The following SYNE1 variants were observed in gnomAD, a reference collection of about 807,000 sequenced individuals.
The protein encoded by SYNE1 is nesprin-1.
A neutral mutation model predicts 1,111.0 loss-of-function variants in SYNE1; 616 were observed. The observed-to-expected ratio is 0.55, with a 90% CI of 0.52 to 0.59. The LOEUF (loss-of-function observed/expected upper bound fraction) is 0.59, where lower values mean the gene tolerates loss of function less well. Ranked by LOEUF, SYNE1 falls within the 20% of genes least tolerant of loss-of-function variation. The probability of loss-of-function intolerance (pLI) is 0.00; values close to 1 mark genes in which losing one functional copy is unlikely to be tolerated. For missense variants in SYNE1, 10,006 were observed against 10,417.0 expected, an observed-to-expected ratio of 0.96 and a Z score of 1.72; for synonymous variants, 3,855 against 3,825.8, an observed-to-expected ratio of 1.01 and a Z score of -0.28.
chr6:152,428,129 C>T (rs1010515327), intron 37 of SYNE1, 76 bp downstream of exon 37: 42 of 1,574,914 alleles, frequency 2.7e-5, no homozygotes, highest in Admixed American at 3.3e-5. Context: ...GATAACTACT[C>T]CCCATCACTT....
chr6:152,299,880 C>A (rs2095081814), intron 93 of SYNE1, among the ~76,000 whole-genome samples: 1 of 152,036 alleles, frequency 6.6e-6, no homozygotes, highest in South Asian at 2.1e-4. Context: ...GAATAGTTTA[C>A]ATTTTTTAGT....
intron 45 of SYNE1, among the ~76,000 whole-genome samples, chr6:152,405,785 A>AT (rs2154160979): frequency 6.6e-6 from 1 of 152,196 alleles, no homozygotes; most frequent in South Asian, 2.1e-4. Flanking sequence ...AGTCTGGATA[A>AT]TTTTTTCTCC....
intron 3 of SYNE1, among the ~76,000 whole-genome samples, chr6:152,616,514 T>C (rs2128864708): frequency 6.6e-6 from 1 of 152,232 alleles, no homozygotes; most frequent in South Asian, 2.1e-4. Flanking sequence ...AGGTTGAGGC[T>C]GCAGTGAGCT....
At chr6:152,384,833 T>C (rs2097498201) in intron 55 of SYNE1, among the ~76,000 whole-genome samples, 1 of 150,708 alleles carries the variant, frequency 6.6e-6, no homozygotes, top group South Asian at 2.1e-4. Context: ...TGAGCCAAGA[T>C]CGTGCCACTG....
intron 40 of SYNE1, among the ~76,000 whole-genome samples, chr6:152,419,040 GT>G: frequency 6.6e-6 from 1 of 152,158 alleles, no homozygotes; most frequent in Non-Finnish European, 1.5e-5. Flanking sequence ...CATAATAAAT[GT>G]GTTTGCCATT....
At chr6:152,535,291 C>G (rs557856427) in intron 4 of SYNE1, among the ~76,000 whole-genome samples, 1 of 152,180 alleles carries the variant, frequency 6.6e-6, no homozygotes, top group African/African-American at 2.4e-5. Context: ...TACTTTGTTA[C>G]GGCAATCCCA....
rs1421168294 is a variant in SYNE1, at chr6:152,326,623, G to T, written c.14966C>A (p.Thr4989Asn). ...EALRTRQATL[T>N]EIYSQCQRYY... The stretch of plus-strand genomic sequence containing the variant: ...CCTTTGACACTGGCTATATATTTCA[G>T]TCAAGGTAGCCTGAAAAACAGCAAT... The change falls in exon 79 of 146, where the codon ACT (threonine) becomes AAT (asparagine). Residue 4989 changes from threonine to asparagine, a missense_variant. Around this residue, in one of 7 missense-constraint regions of SYNE1, gnomAD observed 4,955 missense variants for 5,017.2 expected, o/e 0.99. Transcript: ENST00000367255. 6.2e-7 allele frequency: 1 copy of T among 1,613,624 alleles called. No homozygotes were observed. Among genetic ancestry groups the T allele is most frequent in the South Asian group, 1.1e-5 (1 of 91,034 alleles).
intron 3 of SYNE1, among the ~76,000 whole-genome samples, chr6:152,568,513 G>C (rs1257216867): frequency 6.6e-6 from 1 of 152,042 alleles, no homozygotes; most frequent in Non-Finnish European, 1.5e-5. Context: ...ATCTTGGCTA[G>C]AGTGGTCTTG....
At chr6:152,161,992 G>A (rs918235540) in intron 131 of SYNE1, among the ~76,000 whole-genome samples, 1 of 152,260 alleles carries the variant, frequency 6.6e-6, no homozygotes, top group South Asian at 2.1e-4. Flanking sequence ...AGTGACTCTA[G>A]CCTCCACGGT....
At chr6:152,554,820 G>A (rs2099359519) in intron 3 of SYNE1, among the ~76,000 whole-genome samples, 1 of 152,122 alleles carries the variant, frequency 6.6e-6, no homozygotes, top group Non-Finnish European at 1.5e-5. Context: ...TAAAAAACAT[G>A]GATTGCCAAG....
In SYNE1 at chr6:152,215,005, A is replaced by G. The variant is rs1319848339; in HGVS notation, c.22247T>C (p.Leu7416Pro). The change falls in exon 122 of 146, where the codon CTT becomes CCT. Residue 7416 changes from leucine (L) to proline (P), a missense_variant. This residue lies in a region of SYNE1 where 2,182 missense variants were observed against 2,287.8 expected (regional missense o/e 0.95). Coordinates refer to ENST00000367255, the MANE Select transcript of SYNE1 (RefSeq NM_182961.4). Reference protein sequence around the residue: ...MAPDLDRLNELGYRLPLNDKE... With the variant: ...MAPDLDRLNEPGYRLPLNDKE... Reference sequence around the variant, plus strand: ...ATCATTCAAGGGTAACCTATATCCAAGCTCATTTAGACGGTCTAAATCTGG... The same window carrying G: ...ATCATTCAAGGGTAACCTATATCCAGGCTCATTTAGACGGTCTAAATCTGG... 1.6e-5 allele frequency: 26 copies of G among 1,614,044 alleles called. No homozygotes were observed. The highest frequency in any genetic ancestry group is 2.1e-5 in the Non-Finnish European group (25 of 1,179,996).
intron 91 of SYNE1, among the ~76,000 whole-genome samples, chr6:152,306,717 C>CAAA (rs71556249): frequency 7.2e-6 from 1 of 139,786 alleles, no homozygotes. Flanking sequence ...CTCTACTCTA[C>CAAA]AAAAAAAAAA....
At chr6:152,600,939 C>A (rs933691341) in intron 3 of SYNE1, among the ~76,000 whole-genome samples, 6 of 152,184 alleles carry the variant, frequency 3.9e-5, no homozygotes, top group African/African-American at 9.7e-5. Context: ...AAGGTCTGAA[C>A]AAACAGTTTC....
chr6:152,202,084 C>G, intron 126 of SYNE1, 135 bp from the exon 127 acceptor site: 4 of 1,174,558 alleles, frequency 3.4e-6, no homozygotes, highest in Non-Finnish European at 4.8e-6. Context: ...TGGTGGCTCA[C>G]GCGTGTAATC....
Position 152,362,215 on chromosome 6 carries a change from C to T in SYNE1, c.10254G>A (p.Gln3418=), listed in dbSNP as rs2096944019. The T allele has an allele frequency of 1.2e-6, 2 of 1,614,110 alleles. No homozygotes were observed. Among genetic ancestry groups the T allele is most frequent in the South Asian group, 1.1e-5 (1 of 91,084 alleles). The stretch of plus-strand genomic sequence containing the variant: ...TTGTTTTATCCCGCAGCTCCGCATG[C>T]TGCCTTTCTGATTCATTCAGGTTGG... ...MEANLNESER[Q]HAELRDKTTM... is the part of the protein sequence containing the mutation. The change falls in exon 64 of 146, where the codon CAG becomes CAA. Residue 3418 remains glutamine, a synonymous_variant. Transcript: ENST00000367255.
intron 130 of SYNE1, 139 bp downstream of exon 130, chr6:152,176,255 A>C: frequency 8.6e-7 from 1 of 1,163,652 alleles, no homozygotes; most frequent in South Asian, 1.3e-5. Context: ...TTATGAGAGG[A>C]GCATGAACAG....
chr6:152,219,219 A>G (rs765530741), intron 119 of SYNE1, 34 bp from the exon 120 acceptor site: 1 of 1,600,192 alleles, frequency 6.2e-7, no homozygotes, highest in South Asian at 1.1e-5. Context: ...ACTCTGAAGC[A>G]TGTTGATACT....
chr6:152,508,126 G>A (rs749605074), intron 8 of SYNE1, among the ~76,000 whole-genome samples: 14 of 152,112 alleles, frequency 9.2e-5, no homozygotes, highest in Non-Finnish European at 1.9e-4. Flanking sequence ...TAGATAATAA[G>A]TTGCTTGAAA....
rs143974384 is a variant in SYNE1, at chr6:152,381,021, G to A, written c.8994C>T (p.Cys2998=). 69 of 1,613,970 alleles carry A rather than the reference G, an allele frequency of 4.3e-5. No homozygotes were observed. Among genetic ancestry groups the A allele is most frequent in the Non-Finnish European group, 2.0e-5 (24 of 1,179,984 alleles). ...GKNTDEEIVE[C]WHKGQEILDA... The stretch of plus-strand genomic sequence containing the variant: ...GCCAACTTACTTGTCCTTTGTGCCA[G>A]CATTCCACTATCTCCTCATCCGTGT... Residue 2998 remains cysteine (C), a synonymous_variant, in exon 56 of 146, where the codon TGC becomes TGT. Coordinates refer to ENST00000367255, the MANE Select transcript of SYNE1 (RefSeq NM_182961.4).
Sources: allele counts gnomAD v4.1 joint callset (sites outside exome capture counted in the v4.1 genomes callset), GRCh38; gene constraint gnomAD v4.1.1; regional missense constraint gnomAD v4.1.1; transcripts MANE v1.5; gene names NCBI Gene and HGNC (gene_info 2026-07-23, HGNC 2026-07-21).